The following KANK2 variants were observed in gnomAD, a reference collection of about 807,000 sequenced individuals.
KANK2 encodes KN motif and ankyrin repeat domain-containing protein 2.
Under a neutral mutation model 74.6 loss-of-function variants are expected in KANK2, and 41 were observed. The ratio of observed to expected loss-of-function variants is 0.55; its 90% confidence interval spans 0.43 to 0.71. The LOEUF (loss-of-function observed/expected upper bound fraction) is 0.71. Among genes scored for constraint, KANK2 ranks in the 30% least tolerant of loss-of-function variants. KANK2 has a pLI of 0.00. For missense variants in KANK2, 1,148 were observed against 1,196.4 expected, an observed-to-expected ratio of 0.96 and a Z score of 0.60; for synonymous variants, 537 against 519.0, an observed-to-expected ratio of 1.03 and a Z score of -0.47.
intron 4 of KANK2, among the ~76,000 whole-genome samples, chr19:11,182,186 G>A (rs2147503843): frequency 6.6e-6 from 1 of 152,136 alleles, no homozygotes; most frequent in Non-Finnish European, 1.5e-5. Context: ...AAAGTGCTGG[G>A]ATTACAGGCT....
intron 4 of KANK2, among the ~76,000 whole-genome samples, chr19:11,190,246 T>C (rs1461657984): frequency 6.6e-6 from 1 of 152,110 alleles, no homozygotes; most frequent in African/African-American, 2.4e-5. Context: ...GCAATTCTCC[T>C]CCCTTAGCCT....
In KANK2 at chr19:11,193,695, G is replaced by A. The variant is rs771795323; in HGVS notation, c.385C>T (p.Leu129=). ...GFNPRVERTL[L]DARRRLEDQA... ...TCCTCGAGACGGCGACGGGCATCCAGCAGCGTGCGCTCCACCCGCGGATTG... is the reference window on the plus strand; with the variant it reads ...TCCTCGAGACGGCGACGGGCATCCAACAGCGTGCGCTCCACCCGCGGATTG... Residue 129 remains leucine, a synonymous_variant, in exon 4 of 13, where the codon CTG becomes TTG. Coordinates refer to ENST00000586659, the MANE Select transcript of KANK2 (RefSeq NM_001136191.3). This position sits in a 1 kb window ranked among gnomAD's most constrained non-coding sequence, Gnocchi z 9.6. 3 of 1,610,986 alleles carry A rather than the reference G, an allele frequency of 1.9e-6. No individual in the cohort carries two copies. In the African/African-American group the frequency reaches 4.0e-5, roughly 21 times the overall value.
At position 11,165,315 on chromosome 19, in the gene KANK2, T is replaced by C. The variant is rs566498783; in HGVS notation, c.*1243A>G. The C allele has an allele frequency of 2.6e-5, 4 of 152,194 alleles. No homozygotes were observed. Among genetic ancestry groups the C allele is most frequent in the Non-Finnish European group, 5.9e-5 (4 of 68,000 alleles). The allele number at this position is 152,194 out of a possible 1,614,324, so 9.4% of individuals were successfully genotyped here. A position where few individuals can be genotyped will look rare whatever the true frequency, so the allele number is the denominator to read the frequency against. ...ACTTTTAATCGTACACACATGGGGT[T>C]TTTGGGAGCCGGCCCTGCGTTTTGC... is the stretch of plus-strand genomic sequence containing the variant. On this transcript the variant is annotated 3_prime_UTR_variant, in exon 13 of 13. Transcript: ENST00000586659.
intron 4 of KANK2, among the ~76,000 whole-genome samples, chr19:11,183,401 TGAA>T (rs1365962218): frequency 6.6e-6 from 1 of 152,080 alleles, no homozygotes; most frequent in Admixed American, 6.6e-5. Context: ...AAAGAAACTG[TGAA>T]GAATTAAGAT....
At position 11,164,681 on chromosome 19, in the gene KANK2, C is replaced by A. The variant is rs2077980548; in HGVS notation, c.*1877G>T. 1 of 152,076 alleles carries A rather than the reference C, an allele frequency of 6.6e-6. No homozygotes were observed. The allele number at this position is 152,076 out of a possible 1,614,324, so 9.4% of individuals were successfully genotyped here. ...ATCAGCTTTGGTTTTGTTTTCTCTG[C>A]AATTTACATGCAAACACCATCTATC... On this transcript the variant is annotated 3_prime_UTR_variant, in exon 13 of 13. Coordinates refer to ENST00000586659, the MANE Select transcript of KANK2 (RefSeq NM_001136191.3).
chr19:11,184,374 T>TCAA (rs1555818687), intron 4 of KANK2, among the ~76,000 whole-genome samples: 1 of 148,206 alleles, frequency 6.7e-6, no homozygotes, highest in East Asian at 2.0e-4. Flanking sequence ...AAACTCTGTC[T>TCAA]CAAAAACAAA....
At chr19:11,172,871 G>A in intron 10 of KANK2, 110 bp downstream of exon 10, 1 of 1,169,526 alleles carries the variant, frequency 8.6e-7, no homozygotes, top group Non-Finnish European at 1.2e-6. Flanking sequence ...GCCTGGCCAT[G>A]AAGAGCAGGG....
chr19:11,189,017 A>G (rs1219683943), intron 4 of KANK2, among the ~76,000 whole-genome samples: 1 of 151,138 alleles, frequency 6.6e-6, no homozygotes, highest in Non-Finnish European at 1.5e-5. Context: ...TTGAGAGGCT[A>G]TAGGGCCAAG....
chr19:11,174,632 G>A lies in KANK2; in HGVS notation c.1909C>T (p.His637Tyr). Reference sequence around the variant, plus strand: ...AGGTGCCGCCGCACCAGCTCGGGGTGTGCGTCGCTGCGGCAGGCCAGGCGC... The same window carrying A: ...AGGTGCCGCCGCACCAGCTCGGGGTATGCGTCGCTGCGGCAGGCCAGGCGC... The part of the protein sequence containing the change: ...WLRLACRSDA[H>Y]PELVRRHLVT... Residue 637 changes from histidine (H) to tyrosine (Y), a missense_variant, in exon 9 of 13, where the codon CAC (histidine) becomes TAC (tyrosine). By Grantham distance (83) the His-to-Tyr change is moderately conservative (BLOSUM62 2). Coordinates refer to ENST00000586659, the MANE Select transcript of KANK2 (RefSeq NM_001136191.3). 1 of 1,611,814 alleles carries A rather than the reference G, an allele frequency of 6.2e-7. No individual in the cohort carries two copies. Among genetic ancestry groups the A allele is most frequent in the South Asian group, 1.1e-5 (1 of 90,886 alleles).
intron 4 of KANK2, among the ~76,000 whole-genome samples, chr19:11,183,613 C>T (rs1353942104): frequency 6.6e-6 from 1 of 151,916 alleles, no homozygotes; most frequent in Non-Finnish European, 1.5e-5. Flanking sequence ...TTCAGCCTCC[C>T]GAGTAGCTGG....
chr19:11,190,592 T>G (rs557968921), intron 4 of KANK2, among the ~76,000 whole-genome samples: 1 of 152,248 alleles, frequency 6.6e-6, no homozygotes, highest in South Asian at 2.1e-4. Context: ...TCCACCTCTC[T>G]AGAGGTGGAG....
chr19:11,174,824 C>A, intron 8 of KANK2, 132 bp from the exon 9 acceptor site: 1 of 704,756 alleles, frequency 1.4e-6, no homozygotes, highest in East Asian at 2.7e-5. Flanking sequence ...GAAGTGCAGA[C>A]CCTCCCAAAG....
In KANK2 at chr19:11,193,712, C is replaced by A. The variant is rs750716545; in HGVS notation, c.368G>T (p.Arg123Leu). 1.1e-5 allele frequency: 17 copies of A among 1,611,954 alleles called. No individual in the cohort carries two copies. The Admixed American group carries it at 1.8e-4, about 17-fold the overall frequency. ...GGCATCCAGCAGCGTGCGCTCCACC[C>A]GCGGATTGAAGCCACCGCGGGTCTC... ...ALETRGGFNP[R>L]VERTLLDARR... The change falls in exon 4 of 13, where the codon CGG (arginine) becomes CTG (leucine). Residue 123 changes from arginine to leucine, a missense_variant. Physicochemically the swap from Arg to Leu is moderately radical, Grantham distance 102. Coordinates refer to ENST00000586659, the MANE Select transcript of KANK2 (RefSeq NM_001136191.3). This position sits in a 1 kb window ranked among gnomAD's most constrained non-coding sequence, Gnocchi z 9.6.
intron 12 of KANK2, among the ~76,000 whole-genome samples, chr19:11,167,790 A>G (rs953540362): frequency 6.6e-6 from 1 of 151,862 alleles, no homozygotes; most frequent in African/African-American, 2.4e-5. Flanking sequence ...GGCATCCCAA[A>G]GTGCTGGGAT....
intron 6 of KANK2, among the ~76,000 whole-genome samples, chr19:11,177,505 C>T (rs570856525): frequency 1.3e-5 from 2 of 152,184 alleles, no homozygotes; most frequent in South Asian, 2.1e-4. Flanking sequence ...CAGGCACCCA[C>T]CACACCCAGC....
intron 2 of KANK2, 63 bp from the exon 3 acceptor site, chr19:11,194,653 G>A (rs1719522224): frequency 1.6e-6 from 1 of 639,902 alleles, no homozygotes; most frequent in Admixed American, 2.2e-5. Context: ...AGGAGATGAG[G>A]CCAGCCCCCT....
chr19:11,176,677 G>A lies in KANK2; in HGVS notation c.1661C>T (p.Ala554Val), dbSNP rs111476305. ...ACACTCCTGCCGGCTGGTCTTGGCC[G>A]CTGCCGTCCCTGCAGGCCTGAGCTG... ...APQLRPAGTA[A>V]AKTSRQECQL... is the part of the protein sequence containing the mutation. The change falls in exon 7 of 13, where the codon GCG (alanine) becomes GTG (valine). Residue 554 changes from alanine to valine, a missense_variant. Physicochemically the swap from Ala to Val is moderately conservative, Grantham distance 64. Transcript: ENST00000586659. The A allele has an allele frequency of 5.9e-4, 950 of 1,613,420 alleles. 7 individuals are homozygous for A. The East Asian group carries it at 0.015, about 25-fold the overall frequency.
chr19:11,192,443 T>C (rs1305903979), intron 4 of KANK2: 1 of 194,046 alleles, frequency 5.2e-6, no homozygotes, highest in East Asian at 1.3e-4. Context: ...TTTTTTTTTT[T>C]TTTTTTTTTG....
At chr19:11,180,011 C>T (rs1203594172) in intron 4 of KANK2, among the ~76,000 whole-genome samples, 1 of 152,196 alleles carries the variant, frequency 6.6e-6, no homozygotes, top group Non-Finnish European at 1.5e-5. Context: ...AAGGCGCATG[C>T]CACTGTGCCC....
Sources: allele counts gnomAD v4.1 joint callset (sites outside exome capture counted in the v4.1 genomes callset), GRCh38; gene constraint gnomAD v4.1.1; non-coding constraint Gnocchi (gnomAD v3.1); transcripts MANE v1.5; gene names NCBI Gene and HGNC (gene_info 2026-07-23, HGNC 2026-07-21).